Variants in CTNND2 observed in about 807,000 individuals in gnomAD.
CTNND2 encodes catenin delta-2.
A neutral mutation model predicts 144.4 loss-of-function variants in CTNND2; 22 were observed. That is an observed-to-expected ratio of 0.15 (90% CI 0.11 to 0.22). The LOEUF is 0.22. CTNND2 is among the 10% of genes least tolerant of loss of function. CTNND2 has a pLI of 1.00. For synonymous variants in CTNND2, 751 were observed against 695.6 expected (o/e 1.08, Z -1.25); for missense variants, 1,353 against 1,618.8 (o/e 0.84, Z 2.82).
intron 2 of CTNND2, among the ~76,000 whole-genome samples, chr5:11,591,911 G>A (rs1779261118): frequency 6.6e-6 from 1 of 151,964 alleles, no homozygotes; most frequent in Non-Finnish European, 1.5e-5. Flanking sequence ...AGATTGGGGA[G>A]GGGAGCAATT....
At chr5:11,455,238 A>G (rs1415907914) in intron 3 of CTNND2, among the ~76,000 whole-genome samples, 1 of 152,096 alleles carries the variant, frequency 6.6e-6, no homozygotes, top group Non-Finnish European at 1.5e-5. Context: ...CTTTATTCAG[A>G]TGGAGAGTAG....
intron 12 of CTNND2, among the ~76,000 whole-genome samples, chr5:11,145,900 C>T (rs1226286365): frequency 6.6e-6 from 1 of 152,194 alleles, no homozygotes; most frequent in Non-Finnish European, 1.5e-5. Flanking sequence ...TGTCTGTCCC[C>T]AGACATGCAT....
chr5:11,795,464 G>A (rs1791352837), intron 1 of CTNND2, among the ~76,000 whole-genome samples: 2 of 152,214 alleles, frequency 1.3e-5, no homozygotes, highest in Non-Finnish European at 2.9e-5. Flanking sequence ...GTTCATTTTA[G>A]GATCCCAGTC....
chr5:11,199,952 T>C (rs1737258383), intron 10 of CTNND2, among the ~76,000 whole-genome samples: 1 of 152,246 alleles, frequency 6.6e-6, no homozygotes, highest in South Asian at 2.1e-4. Context: ...CCATAAAATA[T>C]GCCACAACCT....
At chr5:11,452,223 CT>C (rs1339886191) in intron 3 of CTNND2, among the ~76,000 whole-genome samples, 6 of 152,092 alleles carry the variant, frequency 3.9e-5, no homozygotes, top group Non-Finnish European at 2.9e-5. Context: ...TCAATATTTG[CT>C]TTTTTTATCC....
At chr5:11,851,078 T>C (rs1304762526) in intron 1 of CTNND2, among the ~76,000 whole-genome samples, 1 of 152,128 alleles carries the variant, frequency 6.6e-6, no homozygotes, top group Non-Finnish European at 1.5e-5. Context: ...GACTACAACA[T>C]AAATACCCTG....
intron 5 of CTNND2, among the ~76,000 whole-genome samples, chr5:11,401,836 A>G (rs1760677223): frequency 6.6e-6 from 1 of 152,212 alleles, no homozygotes; most frequent in Admixed American, 6.5e-5. Flanking sequence ...TTCTGTCACA[A>G]CAAATTGTAA....
intron 18 of CTNND2, among the ~76,000 whole-genome samples, chr5:10,994,241 G>A (rs1219290375): frequency 9.3e-6 from 1 of 107,434 alleles, no homozygotes; most frequent in African/African-American, 3.7e-5. Flanking sequence ...CAGGGGCGGG[G>A]ATAGAGGAGC....
intron 18 of CTNND2, among the ~76,000 whole-genome samples, chr5:11,004,111 C>A (rs1196063081): frequency 6.6e-6 from 1 of 152,110 alleles, no homozygotes; most frequent in Non-Finnish European, 1.5e-5. Flanking sequence ...TTAATAGGTA[C>A]CAATGGAATG....
chr5:11,868,995 A>G (rs571240374), intron 1 of CTNND2, among the ~76,000 whole-genome samples: 31 of 152,342 alleles, frequency 2.0e-4, no homozygotes, highest in African/African-American at 6.7e-4. Flanking sequence ...ATGCACAAGA[A>G]AAAACACCCA....
At chr5:11,246,705 CT>C (rs142966967) in intron 9 of CTNND2, among the ~76,000 whole-genome samples, 1,391 of 106,538 alleles carry the variant, frequency 0.013, 25 homozygotes, top group African/African-American at 0.047. Context: ...ACACGACAGT[CT>C]GTGTGTCTGT....
At chr5:11,510,262 T>G (rs1771515410) in intron 3 of CTNND2, among the ~76,000 whole-genome samples, 1 of 152,008 alleles carries the variant, frequency 6.6e-6, no homozygotes, top group Non-Finnish European at 1.5e-5. Flanking sequence ...AGCCCTAAAT[T>G]TTACTCTAAG....
At chr5:11,047,276 G>A (rs939228438) in intron 16 of CTNND2, among the ~76,000 whole-genome samples, 2 of 152,214 alleles carry the variant, frequency 1.3e-5, no homozygotes, top group African/African-American at 4.8e-5. Flanking sequence ...GTCACAGGAA[G>A]CGGGACTGGG....
chr5:11,001,097 G>T (rs1222095481), intron 18 of CTNND2, among the ~76,000 whole-genome samples: 1 of 152,122 alleles, frequency 6.6e-6, no homozygotes, highest in Admixed American at 6.5e-5. Flanking sequence ...CACACACTGA[G>T]CCCCAATCAC....
At chr5:11,872,157 G>C (rs1469623572) in intron 1 of CTNND2, among the ~76,000 whole-genome samples, 3 of 151,938 alleles carry the variant, frequency 2.0e-5, no homozygotes, top group Non-Finnish European at 4.4e-5. Context: ...TCCTGTGTTA[G>C]TTTTCTGAGA....
At chr5:11,668,548 T>A (rs1783698914) in intron 2 of CTNND2, among the ~76,000 whole-genome samples, 1 of 143,174 alleles carries the variant, frequency 7.0e-6, no homozygotes, top group South Asian at 2.1e-4. Context: ...AGTTCACTCA[T>A]GATTTGGCTC....
At chr5:11,673,826 C>A (rs1784029429) in intron 2 of CTNND2, among the ~76,000 whole-genome samples, 3 of 152,238 alleles carry the variant, frequency 2.0e-5, no homozygotes, top group African/African-American at 7.2e-5. Flanking sequence ...TTGTTTGAGG[C>A]TCTATGATTT....
chr5:11,393,051 C>T (rs1028384655), intron 6 of CTNND2, among the ~76,000 whole-genome samples: 9 of 152,162 alleles, frequency 5.9e-5, no homozygotes, highest in African/African-American at 2.2e-4. Flanking sequence ...ATGTTCCAAA[C>T]ACAATGAACA....
At chr5:11,523,701 G>T (rs559084313) in intron 3 of CTNND2, among the ~76,000 whole-genome samples, 1 of 152,106 alleles carries the variant, frequency 6.6e-6, no homozygotes, top group Non-Finnish European at 1.5e-5. Flanking sequence ...CTAATGCACC[G>T]GGGACTTCCT....
Sources: gnomAD v4.1 joint callset for allele counts (sites outside exome capture counted in the v4.1 genomes callset) on GRCh38, gnomAD v4.1.1 for gene constraint, MANE v1.5 for transcripts, NCBI Gene and HGNC (gene_info 2026-07-23, HGNC 2026-07-21) for gene names.